The following ESRRG variants were observed in gnomAD, a reference collection of about 807,000 sequenced individuals.
ESRRG encodes estrogen-related receptor gamma.
In ESRRG, 13 loss-of-function variants were observed where a neutral mutation model predicts 44.0. That is an observed-to-expected ratio of 0.30 (90% CI 0.19 to 0.47). The LOEUF is 0.47. ESRRG is among the 20% of genes least tolerant of loss of function. ESRRG has a pLI of 1.00. For missense variants in ESRRG, 395 were observed against 580.6 expected (o/e 0.68, Z 3.29); for synonymous variants, 215 against 214.6 (o/e 1.00, Z -0.02).
intron 1 of ESRRG, among the ~76,000 whole-genome samples, chr1:217,114,595 T>A (rs2092698297): frequency 6.6e-6 from 1 of 152,022 alleles, no homozygotes; most frequent in Admixed American, 6.6e-5. Context: ...TAAATTCAGT[T>A]TATCTGCAGA....
chr1:216,738,737 A>AT (rs2090295873), intron 2 of ESRRG, among the ~76,000 whole-genome samples: 1 of 152,212 alleles, frequency 6.6e-6, no homozygotes, highest in Non-Finnish European at 1.5e-5. Context: ...AACAAAAAAA[A>AT]TTCTAGGACT....
At chr1:216,663,846 CAGTTTAAG>C (rs1451482421) in intron 2 of ESRRG, among the ~76,000 whole-genome samples, 1 of 152,034 alleles carries the variant, frequency 6.6e-6, no homozygotes, top group Non-Finnish European at 1.5e-5. Flanking sequence ...TTTTTAGGAT[CAGTTTAAG>C]ACTAACAAAC....
chr1:217,127,958 A>T (rs1205610860), intron 1 of ESRRG, among the ~76,000 whole-genome samples: 6 of 152,226 alleles, frequency 3.9e-5, no homozygotes. Context: ...TATTCTGCAG[A>T]TAAGGAAAGA....
intron 3 of ESRRG, among the ~76,000 whole-genome samples, chr1:216,581,479 G>A (rs2062751459): frequency 6.6e-6 from 1 of 152,094 alleles, no homozygotes; most frequent in African/African-American, 2.4e-5. Context: ...CCAGCCACAC[G>A]ATTCTGTGAG....
At chr1:217,131,200 C>T (rs1280462635) in intron 1 of ESRRG, among the ~76,000 whole-genome samples, 1 of 152,050 alleles carries the variant, frequency 6.6e-6, no homozygotes, top group African/African-American at 2.4e-5. Context: ...ATGTTAAATA[C>T]CCAAGCTATG....
At chr1:216,910,714 T>C (rs935766488) in intron 2 of ESRRG, among the ~76,000 whole-genome samples, 1 of 152,212 alleles carries the variant, frequency 6.6e-6, no homozygotes, top group African/African-American at 2.4e-5. Context: ...GCATTATACA[T>C]CACTGACTAT....
chr1:216,556,867 T>C (rs1165718496), intron 5 of ESRRG, among the ~76,000 whole-genome samples: 1 of 152,104 alleles, frequency 6.6e-6, no homozygotes, highest in Non-Finnish European at 1.5e-5. Context: ...GACATAGAGC[T>C]CATTAAATGC....
intron 2 of ESRRG, among the ~76,000 whole-genome samples, chr1:216,877,379 G>GTT (rs72314566): frequency 5.0e-5 from 7 of 141,040 alleles, no homozygotes; most frequent in African/African-American, 1.0e-4. Context: ...TAGGTATGGT[G>GTT]TTTTTTTTTG....
chr1:217,106,903 G>T (rs1580592478), intron 1 of ESRRG, among the ~76,000 whole-genome samples: 4 of 152,130 alleles, frequency 2.6e-5, no homozygotes, highest in Admixed American at 2.6e-4. Context: ...CAAGCTCTGC[G>T]TGTCCATGAT....
At chr1:216,811,162 A>G (rs938216963) in intron 2 of ESRRG, among the ~76,000 whole-genome samples, 2 of 152,182 alleles carry the variant, frequency 1.3e-5, no homozygotes, top group Non-Finnish European at 2.9e-5. Context: ...GTTGCTCTTG[A>G]GGAAATGTTT....
chr1:216,756,040 G>C (rs766240412), intron 2 of ESRRG, among the ~76,000 whole-genome samples: 1 of 151,972 alleles, frequency 6.6e-6, no homozygotes. Context: ...CCAAAATGCT[G>C]TTGTACCCCA....
At chr1:216,584,652 T>C (rs138198552) in intron 3 of ESRRG, among the ~76,000 whole-genome samples, 1,875 of 152,308 alleles carry the variant, frequency 0.012, 42 homozygotes, top group African/African-American at 0.043. Context: ...TTCCAGATTT[T>C]AAAAAATTTC....
intron 2 of ESRRG, among the ~76,000 whole-genome samples, chr1:216,841,056 A>G (rs1402251185): frequency 4.6e-5 from 7 of 152,252 alleles, no homozygotes; most frequent in Admixed American, 1.3e-4. Flanking sequence ...CAATTTGTAG[A>G]AACATGCAAG....
intron 3 of ESRRG, among the ~76,000 whole-genome samples, chr1:216,604,858 A>G (rs571529963): frequency 6.6e-6 from 1 of 152,352 alleles, no homozygotes; most frequent in African/African-American, 2.4e-5. Context: ...CACAAAGTAT[A>G]TCATCATTTT....
chr1:216,538,895 T>C (rs1234037688), intron 5 of ESRRG, among the ~76,000 whole-genome samples: 1 of 152,032 alleles, frequency 6.6e-6, no homozygotes, highest in Non-Finnish European at 1.5e-5. Flanking sequence ...ATGCAGAATA[T>C]TCATCGAACA....
chr1:217,060,889 T>C (rs1408260173), intron 1 of ESRRG, among the ~76,000 whole-genome samples: 1 of 152,094 alleles, frequency 6.6e-6, no homozygotes, highest in African/African-American at 2.4e-5. Flanking sequence ...AAAACAAATG[T>C]ACAGGAATCT....
intron 1 of ESRRG, among the ~76,000 whole-genome samples, chr1:216,995,710 C>G (rs898405664): frequency 1.3e-5 from 2 of 152,172 alleles, no homozygotes; most frequent in African/African-American, 4.8e-5. Flanking sequence ...GAATCTGAAT[C>G]TTATTCACTG....
intron 2 of ESRRG, among the ~76,000 whole-genome samples, chr1:216,842,902 G>T (rs1213169624): frequency 6.6e-6 from 1 of 152,110 alleles, no homozygotes; most frequent in East Asian, 1.9e-4. Context: ...TTTTGAGCTG[G>T]TAGAATTTCA....
At chr1:216,537,055 A>G (rs550248236) in intron 5 of ESRRG, among the ~76,000 whole-genome samples, 110 of 152,156 alleles carry the variant, frequency 7.2e-4, no homozygotes, top group African/African-American at 2.4e-3. Flanking sequence ...TCCTTTGTCT[A>G]TCAGGGTGCT....
Sources: gnomAD v4.1 joint callset for allele counts (sites outside exome capture counted in the v4.1 genomes callset) on GRCh38, gnomAD v4.1.1 for gene constraint, MANE v1.5 for transcripts, NCBI Gene and HGNC (gene_info 2026-07-23, HGNC 2026-07-21) for gene names.